Variants in PDYN observed in about 807,000 individuals in gnomAD.
The protein encoded by PDYN is proenkephalin-B.
In PDYN, 5 loss-of-function variants were observed where a neutral mutation model predicts 11.4. The observed-to-expected ratio is 0.44, with a 90% CI of 0.23 to 0.92. The LOEUF (loss-of-function observed/expected upper bound fraction) is 0.92. Among genes scored for constraint, PDYN ranks in the 40% least tolerant of loss-of-function variants. PDYN has a pLI of 0.24. For missense variants in PDYN, 337 were observed against 317.3 expected, an observed-to-expected ratio of 1.06 and a Z score of -0.47; for synonymous variants, 132 against 129.5, an observed-to-expected ratio of 1.02 and a Z score of -0.13.
chr20:1,983,820 G>C (rs1987990695), intron 2 of PDYN, among the ~76,000 whole-genome samples: 1 of 152,196 alleles, frequency 6.6e-6, no homozygotes, highest in African/African-American at 2.4e-5. Context: ...GGCTCCCTCA[G>C]TCCCTTTCCT....
chr20:1,983,183 C>T, intron 2 of PDYN, 80 bp from the exon 3 acceptor site: 5 of 1,222,632 alleles, frequency 4.1e-6, no homozygotes, highest in Non-Finnish European at 5.8e-6. Context: ...AAAGTCATCT[C>T]TAACTCCTGC....
intron 3 of PDYN, among the ~76,000 whole-genome samples, 191 bp downstream of exon 3, chr20:1,982,765 G>A (rs868508889): frequency 2.0e-5 from 3 of 152,278 alleles, no homozygotes; most frequent in Non-Finnish European, 2.9e-5. Context: ...CCATGATGGC[G>A]AGGTCTGGAG....
rs147181436 is a variant in PDYN, at chr20:1,980,683, G to A, written c.405C>T (p.Asp135=). 1.3e-4 allele frequency: 205 copies of A among 1,614,154 alleles called. No individual in the cohort carries two copies. The highest frequency in any genetic ancestry group is 1.4e-4 in the Non-Finnish European group (168 of 1,180,036). Residue 135 remains aspartate (D), a synonymous_variant, in exon 4 of 4, where the codon GAC becomes GAT. Coordinates refer to ENST00000217305, the MANE Select transcript of PDYN (RefSeq NM_024411.5). ...SLEEKLRGLS[D]GFREGAESEL... Reference sequence around the variant, plus strand: ...CAGACTCTGCTCCCTCCCTAAACCCGTCAGAGAGACCCCTGAGCTTCTCCT... The same window carrying A: ...CAGACTCTGCTCCCTCCCTAAACCCATCAGAGAGACCCCTGAGCTTCTCCT...
intron 1 of PDYN, 90 bp from the exon 2 acceptor site, chr20:1,992,733 G>T (rs1431165329): frequency 6.6e-6 from 1 of 152,402 alleles, no homozygotes; most frequent in Admixed American, 6.5e-5. Flanking sequence ...AGGGGTGGGA[G>T]TGAGGCCTGG....
chr20:1,987,000 TG>T (rs1482537833), intron 2 of PDYN, among the ~76,000 whole-genome samples: 4 of 152,328 alleles, frequency 2.6e-5, no homozygotes, highest in Admixed American at 2.6e-4. Flanking sequence ...CCTCCTATGC[TG>T]GCTCCATCAC....
At chr20:1,985,510 G>A (rs78050424) in intron 2 of PDYN, among the ~76,000 whole-genome samples, 6,992 of 152,168 alleles carry the variant, frequency 0.046, 499 homozygotes, top group African/African-American at 0.16. Flanking sequence ...GATCCAAGGG[G>A]CTTTATATAC....
Position 1,980,258 on chromosome 20 carries a change from G to T in PDYN, c.*65C>A. The stretch of plus-strand genomic sequence containing the variant: ...AAGGGGCACATATAAGAGGATGAAT[G>T]AATGCACTCCAACCTGAAAAGGTGT... On this transcript the variant is annotated 3_prime_UTR_variant, in exon 4 of 4. Coordinates refer to ENST00000217305, the MANE Select transcript of PDYN (RefSeq NM_024411.5). 1 of 1,497,002 alleles carries T rather than the reference G, an allele frequency of 6.7e-7. No individual in the cohort carries two copies. The highest frequency in any genetic ancestry group is 1.7e-5 in the Admixed American group (1 of 59,872). The allele number at this position is 1,497,002 out of a possible 1,614,324, so 92.7% of individuals were successfully genotyped here.
At chr20:1,986,238 G>A (rs77777693) in intron 2 of PDYN, among the ~76,000 whole-genome samples, 5,916 of 152,254 alleles carry the variant, frequency 0.039, 375 homozygotes, top group African/African-American at 0.13. Context: ...AGATTCTACA[G>A]TGAGTAAGTG....
intron 2 of PDYN, among the ~76,000 whole-genome samples, chr20:1,986,051 T>C (rs1035833868): frequency 1.3e-5 from 2 of 152,212 alleles, no homozygotes; most frequent in African/African-American, 4.8e-5. Context: ...CTTTCATCCA[T>C]TAACTTTATA....
chr20:1,982,555 A>ATT (rs1300319479), intron 3 of PDYN, among the ~76,000 whole-genome samples: 1 of 152,126 alleles, frequency 6.6e-6, no homozygotes, highest in Non-Finnish European at 1.5e-5. Flanking sequence ...AGATCTTTGC[A>ATT]TTTAGGGGTG....
intron 2 of PDYN, among the ~76,000 whole-genome samples, chr20:1,988,202 A>G (rs965135174): frequency 6.6e-6 from 1 of 152,016 alleles, no homozygotes; most frequent in Non-Finnish European, 1.5e-5. Flanking sequence ...TTTAATATCC[A>G]TTTTACAGAG....
At position 1,979,462 on chromosome 20, in the gene PDYN, TGA is replaced by T. The variant is rs1987577463; in HGVS notation, c.*859_*860del. ...GGGCTGAGGGAACTGGTCCACATTT[TGA>T]GTTTGTTGCACAGAACAAATTGGTT... is the stretch of plus-strand genomic sequence containing the variant. On this transcript the variant is annotated 3_prime_UTR_variant, in exon 4 of 4. Transcript: ENST00000217305. 6.6e-6 allele frequency: 1 copy of T among 152,214 alleles called. No individual in the cohort carries two copies. The highest frequency in any genetic ancestry group is 6.5e-5 in the Admixed American group (1 of 15,274). 9.4% of individuals were successfully genotyped at this position (152,214 alleles called of 1,614,324 possible).
chr20:1,980,389 C>A lies in PDYN; in HGVS notation c.699G>T (p.Gln233His), dbSNP rs542830808. The A allele has an allele frequency of 1.2e-6, 2 of 1,614,214 alleles. No homozygotes were observed. The highest frequency in any genetic ancestry group is 1.7e-6 in the Non-Finnish European group (2 of 1,180,042). Residue 233 changes from glutamine (Q) to histidine (H), a missense_variant, in exon 4 of 4, where the codon CAG becomes CAT. Physicochemically the swap from Gln to His is conservative, Grantham distance 24 (BLOSUM62 0). Transcript: ENST00000217305. The stretch of plus-strand genomic sequence containing the variant: ...CCTGAGACCGAGTCACCACCTTGAA[C>A]TGGCGCCGGAGAAAACCGCCATAGC... Reference protein sequence around the residue: ...QKRYGGFLRRQFKVVTRSQED... With the variant: ...QKRYGGFLRRHFKVVTRSQED...
At chr20:1,988,524 C>T (rs1378484940) in intron 2 of PDYN, among the ~76,000 whole-genome samples, 2 of 151,998 alleles carry the variant, frequency 1.3e-5, no homozygotes, top group African/African-American at 2.4e-5. Context: ...TAGGGATGGG[C>T]CAAGGAGGAA....
chr20:1,992,798 G>A (rs913822176), intron 1 of PDYN, among the ~76,000 whole-genome samples, 155 bp from the exon 2 acceptor site: 5 of 152,202 alleles, frequency 3.3e-5, no homozygotes, highest in Non-Finnish European at 7.3e-5. Context: ...AATGGATCTC[G>A]ACTGGGATGC....
In PDYN at chr20:1,980,472, G is replaced by A. The variant is rs575606358; in HGVS notation, c.616C>T (p.Arg206Cys). ...ATGCGCCGCAAGAAGCCCCCATAGC[G>A]TTTGTACAGGTCCTCATGGCCCATG... ...DSMGHEDLYK[R>C]YGGFLRRIRP... Residue 206 changes from arginine (R) to cysteine (C), a missense_variant, in exon 4 of 4, where the codon CGC (arginine) becomes TGC (cysteine). Physicochemically the swap from Arg to Cys is radical, Grantham distance 180 (BLOSUM62 -3). Coordinates refer to ENST00000217305, the MANE Select transcript of PDYN (RefSeq NM_024411.5). The A allele has an allele frequency of 1.2e-4, 187 of 1,613,144 alleles. No homozygotes were observed. Among genetic ancestry groups the A allele is most frequent in the South Asian group, 2.4e-4 (22 of 91,066 alleles).
chr20:1,983,030 T>C lies in PDYN; in HGVS notation c.55A>G (p.Thr19Ala). The C allele has an allele frequency of 6.2e-7, 1 of 1,613,892 alleles. No homozygotes were observed. The highest frequency in any genetic ancestry group is 8.5e-7 in the Non-Finnish European group (1 of 1,179,916). ...GAGCACCGCGACAGGCAGTCCGCTGTGGTGGAGGGGAACATGAGGAGGCAG... is the reference window on the plus strand; with the variant it reads ...GAGCACCGCGACAGGCAGTCCGCTGCGGTGGAGGGGAACATGAGGAGGCAG... ...AACLLMFPST[T>A]ADCLSRCSLC... Residue 19 changes from threonine (T) to alanine (A), a missense_variant, in exon 3 of 4, where the codon ACA becomes GCA. Transcript: ENST00000217305.
chr20:1,990,433 T>C (rs1336707585), intron 2 of PDYN, among the ~76,000 whole-genome samples: 1 of 152,232 alleles, frequency 6.6e-6, no homozygotes, highest in East Asian at 1.9e-4. Context: ...AGGGAGCCCC[T>C]GAACCTGGAA....
intron 2 of PDYN, among the ~76,000 whole-genome samples, chr20:1,989,278 A>G (rs1250970314): frequency 1.3e-5 from 2 of 152,264 alleles, no homozygotes; most frequent in East Asian, 3.9e-4. Flanking sequence ...AGCCCTTTCT[A>G]GTTGCCTGGA....
Sources: gnomAD v4.1 joint callset for allele counts (sites outside exome capture counted in the v4.1 genomes callset) on GRCh38, gnomAD v4.1.1 for gene constraint, MANE v1.5 for transcripts, NCBI Gene and HGNC (gene_info 2026-07-23, HGNC 2026-07-21) for gene names.